The following ZMPSTE24 variants were observed in gnomAD, a reference collection of about 807,000 sequenced individuals.
ZMPSTE24 encodes CAAX prenyl protease 1 homolog.
In ZMPSTE24, 48 loss-of-function variants were observed where a neutral mutation model predicts 56.7. That is an observed-to-expected ratio of 0.85 (90% CI 0.67 to 1.08). The LOEUF (loss-of-function observed/expected upper bound fraction) is 1.08, where lower values mean the gene tolerates loss of function less well. ZMPSTE24 is among the 50% of genes least tolerant of loss of function. The pLI is 0.00. For missense variants in ZMPSTE24, 503 were observed against 548.7 expected (o/e 0.92, Z 0.83); for synonymous variants, 172 against 195.2 (o/e 0.88, Z 0.99).
At chr1:40,265,454 G>T (rs566558620) in intron 2 of ZMPSTE24, among the ~76,000 whole-genome samples, 1 of 152,294 alleles carries the variant, frequency 6.6e-6, no homozygotes, top group African/African-American at 2.4e-5. Flanking sequence ...AGTAGCTCAT[G>T]CCTGTAATCC....
At chr1:40,274,805 A>G (rs964089488) in intron 6 of ZMPSTE24, among the ~76,000 whole-genome samples, 7 of 152,222 alleles carry the variant, frequency 4.6e-5, no homozygotes, top group African/African-American at 1.4e-4. Flanking sequence ...AGCTTAGACT[A>G]GGATAATAGT....
chr1:40,274,901 A>G (rs1643653031), intron 6 of ZMPSTE24, among the ~76,000 whole-genome samples: 2 of 152,148 alleles, frequency 1.3e-5, no homozygotes, highest in Non-Finnish European at 2.9e-5. Context: ...TGGGAGAATA[A>G]GGGAAAGAGT....
At chr1:40,258,526 G>A in intron 1 of ZMPSTE24, 132 bp downstream of exon 1, 1 of 1,512,502 alleles carries the variant, frequency 6.6e-7, no homozygotes, top group Non-Finnish European at 9.0e-7. Flanking sequence ...GCTGAGTCTC[G>A]TAACTTGGCC....
intron 5 of ZMPSTE24, among the ~76,000 whole-genome samples, chr1:40,270,747 TC>T (rs1643606154): frequency 6.6e-6 from 1 of 152,086 alleles, no homozygotes; most frequent in South Asian, 2.1e-4. Flanking sequence ...GATTTTTCCC[TC>T]CCTCACATCT....
chr1:40,282,336 T>TG (rs1557779986), intron 7 of ZMPSTE24, among the ~76,000 whole-genome samples: 1 of 152,140 alleles, frequency 6.6e-6, no homozygotes, highest in Non-Finnish European at 1.5e-5. Context: ...CAAGACTAAA[T>TG]GGGGGAGAGG....
At chr1:40,264,302 C>T (rs560305332) in intron 2 of ZMPSTE24, among the ~76,000 whole-genome samples, 171 of 152,110 alleles carry the variant, frequency 1.1e-3, no homozygotes, top group African/African-American at 3.9e-3. Flanking sequence ...ACACTGCACT[C>T]CAGCCTGGGT....
rs1195950578 is a variant in ZMPSTE24 at position 40,281,366 on chromosome 1, A to C, written c.793A>C (p.Asn265His). The change falls in exon 7 of 10, where the codon AAT (asparagine) becomes CAT (histidine). Residue 265 changes from asparagine (N) to histidine (H), a missense_variant. Transcript: ENST00000372759. ...AGGATCTAAACGCTCTTCCCACAGC[A>C]ATGCTTATTTTTATGGCTTCTTCAA... ...VEGSKRSSHSNAYFYGFFKNK... is the reference protein window; with the variant it reads ...VEGSKRSSHSHAYFYGFFKNK... 2 of 1,614,136 alleles carry C rather than the reference A, an allele frequency of 1.2e-6. No homozygotes were observed. Among genetic ancestry groups the C allele is most frequent in the Non-Finnish European group, 1.7e-6 (2 of 1,180,008 alleles).
intron 4 of ZMPSTE24, among the ~76,000 whole-genome samples, chr1:40,269,069 G>A (rs1208949686): frequency 8.9e-5 from 9 of 100,766 alleles, no homozygotes; most frequent in African/African-American, 1.6e-4. Context: ...GCAAGACTCC[G>A]TCTCAAAAAA....
At chr1:40,277,802 C>G (rs1456500689) in intron 6 of ZMPSTE24, among the ~76,000 whole-genome samples, 1 of 151,636 alleles carries the variant, frequency 6.6e-6, no homozygotes, top group Non-Finnish European at 1.5e-5. Flanking sequence ...AACCCCGTCT[C>G]TACTAAAAAT....
At chr1:40,267,487 C>G (rs1171140486) in intron 2 of ZMPSTE24, among the ~76,000 whole-genome samples, 1 of 151,436 alleles carries the variant, frequency 6.6e-6, no homozygotes, top group African/African-American at 2.4e-5. Context: ...ACCTCAGTCC[C>G]CCAAGTAGCT....
intron 8 of ZMPSTE24, among the ~76,000 whole-genome samples, chr1:40,287,106 G>A (rs983645143): frequency 1.1e-4 from 16 of 146,880 alleles, no homozygotes; most frequent in African/African-American, 1.5e-4. Flanking sequence ...TCTCTCTGTC[G>A]TCCAGGCTAG....
intron 5 of ZMPSTE24, 21 bp downstream of exon 5, chr1:40,270,148 G>A (rs746590735): frequency 4.0e-5 from 64 of 1,613,030 alleles, no homozygotes; most frequent in South Asian, 1.4e-4. Context: ...TCTTTATTTC[G>A]TTTTCTTTTG....
At chr1:40,266,528 A>C (rs1643549859) in intron 2 of ZMPSTE24, among the ~76,000 whole-genome samples, 1 of 152,132 alleles carries the variant, frequency 6.6e-6, no homozygotes, top group Admixed American at 6.5e-5. Context: ...GGTGCTGAGG[A>C]AGAGCCTTCT....
Position 40,261,386 on chromosome 1 carries a change from G to A in ZMPSTE24, c.270+401G>A, listed in dbSNP as rs181445623. On this transcript the variant is annotated intron_variant, in intron 2 of 9. Coordinates refer to ENST00000372759, the MANE Select transcript of ZMPSTE24 (RefSeq NM_005857.5). ...TTTTCTTCTGGCACAGTCTTGCTCT[G>A]TCACCCAGGCTGAAGTACAGTGGCG... is the stretch of plus-strand genomic sequence containing the variant. Among the ~76,000 whole-genome samples, 391 of 149,722 alleles carry A rather than the reference G, an allele frequency of 2.6e-3. 5 individuals carry two copies. Among genetic ancestry groups the A allele is most frequent in the African/African-American group, 9.2e-3 (374 of 40,554 alleles).
intron 1 of ZMPSTE24, 49 bp from the exon 2 acceptor site, chr1:40,260,790 T>C (rs1219835286): frequency 1.3e-6 from 2 of 1,580,006 alleles, no homozygotes; most frequent in Admixed American, 1.7e-5. Context: ...TAAATGACTA[T>C]TGTAATAAAC....
In ZMPSTE24 at chr1:40,292,740, G is replaced by T. The variant is rs977675984; in HGVS notation, c.*71G>T. 8.5e-5 allele frequency: 125 copies of T among 1,468,912 alleles called. No homozygotes were observed. The highest frequency in any genetic ancestry group is 1.0e-4 in the Non-Finnish European group (109 of 1,061,776). The allele number at this position is 1,468,912 out of a possible 1,614,324, so 91.0% of individuals were successfully genotyped here. On this transcript the variant is annotated 3_prime_UTR_variant, in exon 10 of 10. Transcript: ENST00000372759. ...CTGGCAGCATGTTCCAGCTCTTGAT[G>T]TTTTTAAACTTTTTTTTAGAAGAAA...
intron 4 of ZMPSTE24, among the ~76,000 whole-genome samples, chr1:40,269,073 C>CAAA (rs60201234): frequency 3.2e-4 from 15 of 46,170 alleles, no homozygotes; most frequent in Non-Finnish European, 5.8e-4. Flanking sequence ...GACTCCGTCT[C>CAAA]AAAAAAAAAA....
chr1:40,266,532 G>A (rs1643549925), intron 2 of ZMPSTE24, among the ~76,000 whole-genome samples: 1 of 152,090 alleles, frequency 6.6e-6, no homozygotes, highest in African/African-American at 2.4e-5. Flanking sequence ...CTGAGGAAGA[G>A]CCTTCTCCTG....
At chr1:40,269,386 C>A (rs904291495) in intron 4 of ZMPSTE24, among the ~76,000 whole-genome samples, 1 of 151,746 alleles carries the variant, frequency 6.6e-6, no homozygotes, top group Non-Finnish European at 1.5e-5. Context: ...CAGAGCCAGA[C>A]CTGTCTCTTA....
Sources: gnomAD v4.1 joint callset for allele counts (sites outside exome capture counted in the v4.1 genomes callset) on GRCh38, gnomAD v4.1.1 for gene constraint, MANE v1.5 for transcripts, NCBI Gene and HGNC (gene_info 2026-07-23, HGNC 2026-07-21) for gene names.